Variants in NUP205 observed in about 807,000 individuals in gnomAD.
The protein encoded by NUP205 is nucleoporin 205, also known as nuclear pore complex protein Nup205.
A neutral mutation model predicts 253.8 loss-of-function variants in NUP205; 76 were observed. The ratio of observed to expected loss-of-function variants is 0.30; its 90% confidence interval spans 0.25 to 0.36. NUP205 has a LOEUF of 0.36. NUP205 is among the 10% of genes least tolerant of loss of function. NUP205 has a pLI of 1.00. For synonymous variants in NUP205, 832 were observed against 850.1 expected (o/e 0.98, Z 0.37); for missense variants, 2,162 against 2,425.5 (o/e 0.89, Z 2.28).
chr7:135,600,385 T>C (rs1017089008), intron 15 of NUP205, among the ~76,000 whole-genome samples: 1 of 152,234 alleles, frequency 6.6e-6, no homozygotes, highest in African/African-American at 2.4e-5. Context: ...GGCTTGACTT[T>C]CAGCCTGTTT....
intron 36 of NUP205, among the ~76,000 whole-genome samples, chr7:135,636,499 A>C (rs761831586): frequency 6.4e-4 from 98 of 152,250 alleles, no homozygotes; most frequent in South Asian, 1.5e-3. Context: ...CACAAAACCC[A>C]AATACTTTGG....
chr7:135,635,714 A>G, intron 36 of NUP205, 57 bp downstream of exon 36: 4 of 1,023,216 alleles, frequency 3.9e-6, no homozygotes, highest in African/African-American at 1.6e-5. Context: ...AAAATATACC[A>G]TCCTCCCCAT....
chr7:135,640,727 T>C (rs1794902666), intron 38 of NUP205, among the ~76,000 whole-genome samples: 1 of 152,168 alleles, frequency 6.6e-6, no homozygotes, highest in African/African-American at 2.4e-5. Context: ...AAAGGTATCT[T>C]TCAGTGATTG....
rs142874335 is a variant in NUP205, at chr7:135,621,636, A to G, written c.4331-1141A>G. Reference sequence around the variant, plus strand: ...TGGGTCTTACATAAAATGTATGATCATACTGTTCCTAATCATTGTATAATG... The same window carrying G: ...TGGGTCTTACATAAAATGTATGATCGTACTGTTCCTAATCATTGTATAATG... On this transcript the variant is annotated intron_variant, in intron 30 of 42. Transcript: ENST00000285968. Among the ~76,000 whole-genome samples, 98 of 152,340 alleles carry G rather than the reference A, an allele frequency of 6.4e-4. No individual in the cohort carries two copies. In the East Asian group the frequency reaches 0.017, roughly 26 times the overall value.
intron 10 of NUP205, among the ~76,000 whole-genome samples, chr7:135,590,081 C>T (rs1367744563): frequency 1.3e-5 from 2 of 150,468 alleles, no homozygotes; most frequent in Non-Finnish European, 3.0e-5. Context: ...ATGATGTTTG[C>T]TTCATCTACT....
At chr7:135,597,858 T>C (rs919102452) in intron 14 of NUP205, 140 bp from the exon 15 acceptor site, 13 of 690,382 alleles carry the variant, frequency 1.9e-5, no homozygotes, top group African/African-American at 1.6e-4. Context: ...TTTTATCTTT[T>C]CCTCTAAATG....
chr7:135,643,396 T>C, intron 39 of NUP205, 38 bp downstream of exon 39: 6 of 1,574,576 alleles, frequency 3.8e-6, no homozygotes, highest in Non-Finnish European at 5.2e-6. Context: ...ACTTGAGAAA[T>C]CATTGCTGTT....
chr7:135,640,709 C>T (rs1247509945), intron 38 of NUP205, among the ~76,000 whole-genome samples: 1 of 151,986 alleles, frequency 6.6e-6, no homozygotes, highest in East Asian at 1.9e-4. Context: ...ATAAAATAAC[C>T]TTTATTTAAA....
chr7:135,642,973 C>T (rs1404284635), intron 38 of NUP205, among the ~76,000 whole-genome samples: 2 of 152,008 alleles, frequency 1.3e-5, no homozygotes, highest in African/African-American at 4.8e-5. Flanking sequence ...TCTTTATTCT[C>T]GCAGGATTTC....
At chr7:135,563,028 T>A (rs893411025) in intron 1 of NUP205, among the ~76,000 whole-genome samples, 6 of 152,180 alleles carry the variant, frequency 3.9e-5, no homozygotes, top group Non-Finnish European at 1.5e-5. Flanking sequence ...CAGTTAACTA[T>A]CACTTTTGTT....
chr7:135,601,277 T>G lies in NUP205; in HGVS notation c.2375-93T>G, dbSNP rs1002299915. On this transcript the variant is annotated intron_variant, in intron 16 of 42. Transcript: ENST00000285968. ...CTTGCCTTTATCTATCTAGATGCCA[T>G]CTAATTTACAAGTCTCATACATTTC... 4.3e-5 allele frequency: 50 copies of G among 1,160,198 alleles called. No homozygotes were observed. The African/African-American group carries it at 6.5e-4, about 15-fold the overall frequency. 71.9% of individuals were successfully genotyped at this position (1,160,198 alleles called of 1,614,324 possible). A position where few individuals can be genotyped will look rare whatever the true frequency, so the allele number is the denominator to read the frequency against.
chr7:135,558,010 G>C (rs769005964), intron 1 of NUP205, 38 bp downstream of exon 1: 2 of 1,571,786 alleles, frequency 1.3e-6, no homozygotes, highest in African/African-American at 2.7e-5. Flanking sequence ...TGAGCTGAGC[G>C]ATAACCAGGT....
rs1794949062 is a variant in NUP205 at position 135,643,335 on chromosome 7, C to T, written c.5536C>T (p.Leu1846Phe). 2 of 1,613,822 alleles carry T rather than the reference C, an allele frequency of 1.2e-6. No individual in the cohort carries two copies. Among genetic ancestry groups the T allele is most frequent in the Non-Finnish European group, 1.7e-6 (2 of 1,179,918 alleles). Residue 1846 changes from leucine (L) to phenylalanine (F), a missense_variant, in exon 39 of 43, where the codon CTT becomes TTT. Transcript: ENST00000285968. ...SVSKLQNVEQ[L>F]PPDEIKELCQ... ...CAGCAAGCTACAAAATGTAGAGCAG[C>T]TTCCCCCAGATGAGATAAAAGAGGT...
intron 1 of NUP205, among the ~76,000 whole-genome samples, chr7:135,569,590 A>G (rs2129489660): frequency 6.6e-6 from 1 of 151,770 alleles, no homozygotes; most frequent in East Asian, 1.9e-4. Context: ...TCTCTGCCTC[A>G]GTTTCCATAT....
intron 1 of NUP205, among the ~76,000 whole-genome samples, chr7:135,567,283 TA>T (rs1298412194): frequency 1.4e-5 from 2 of 147,196 alleles, no homozygotes; most frequent in East Asian, 2.0e-4. Context: ...CATCTCCCTT[TA>T]AAAAATTTTT....
chr7:135,617,120 C>T lies in NUP205; in HGVS notation c.3563C>T (p.Ser1188Leu), dbSNP rs775329283. 6.2e-6 allele frequency: 10 copies of T among 1,612,282 alleles called. No individual in the cohort carries two copies. Among genetic ancestry groups the T allele is most frequent in the South Asian group, 1.1e-5 (1 of 90,846 alleles). The change falls in exon 26 of 43, where the codon TCG becomes TTG. Residue 1188 changes from serine to leucine, a missense_variant. Ser to Leu is a moderately radical substitution (Grantham distance 145, BLOSUM62 -2). Around this residue, in one of 5 missense-constraint regions of NUP205, gnomAD observed 1,144 missense variants for 1,280.9 expected, o/e 0.89. Transcript: ENST00000285968. ...CGAAAAATTCTAAATATTCTTGACTCGATTGACTTCAGTCAGGAGATCCCT... is the reference window on the plus strand; with the variant it reads ...CGAAAAATTCTAAATATTCTTGACTTGATTGACTTCAGTCAGGAGATCCCT... ...VRRKILNILDSIDFSQEIPEP... is the reference protein window; with the variant it reads ...VRRKILNILDLIDFSQEIPEP...
chr7:135,629,749 A>G (rs1350427632), intron 34 of NUP205, among the ~76,000 whole-genome samples: 1 of 149,428 alleles, frequency 6.7e-6, no homozygotes, highest in East Asian at 2.0e-4. Context: ...CTGGTCTCAA[A>G]CTCCTGACCT....
chr7:135,584,799 C>T, intron 7 of NUP205, 33 bp from the exon 8 acceptor site: 3 of 1,598,344 alleles, frequency 1.9e-6, no homozygotes, highest in African/African-American at 1.3e-5. Flanking sequence ...ATGACTTTTC[C>T]TCCATGTACT....
At chr7:135,631,716 T>C (rs1794715811) in intron 35 of NUP205, among the ~76,000 whole-genome samples, 1 of 150,458 alleles carries the variant, frequency 6.6e-6, no homozygotes, top group African/African-American at 2.5e-5. Context: ...TTCTTTTGAT[T>C]TATCTCTTGG....
Sources: gnomAD v4.1 joint callset for allele counts (sites outside exome capture counted in the v4.1 genomes callset) on GRCh38, gnomAD v4.1.1 for gene constraint, gnomAD v4.1.1 regional missense constraint, MANE v1.5 for transcripts, NCBI Gene and HGNC (gene_info 2026-07-23, HGNC 2026-07-21) for gene names.